The following ETV6 variants were observed in gnomAD, a reference collection of about 807,000 sequenced individuals.
ETV6 encodes the protein ETS variant transcription factor 6.
ETV6 carries 16 observed loss-of-function variants against 51.1 expected under a neutral mutation model. The ratio of observed to expected loss-of-function variants is 0.31; its 90% CI spans 0.21 to 0.48. The LOEUF is 0.48. ETV6 is among the 20% of genes least tolerant of loss of function. ETV6 has a pLI of 0.99. For missense variants in ETV6, 458 were observed against 594.8 expected (o/e 0.77, Z 2.39); for synonymous variants, 240 against 224.1 (o/e 1.07, Z -0.64).
At chr12:11,790,578 AG>A (rs1178770938) in intron 2 of ETV6, among the ~76,000 whole-genome samples, 2 of 151,742 alleles carry the variant, frequency 1.3e-5, no homozygotes, top group African/African-American at 2.4e-5. Context: ...AAGAAGGGGT[AG>A]GGGGCACAGT....
At chr12:11,786,256 T>C (rs1015002716) in intron 2 of ETV6, among the ~76,000 whole-genome samples, 9 of 152,170 alleles carry the variant, frequency 5.9e-5, no homozygotes, top group African/African-American at 1.9e-4. Flanking sequence ...ATTTTTATTA[T>C]ATTTTTCATG....
intron 5 of ETV6, among the ~76,000 whole-genome samples, chr12:11,879,090 G>T (rs1947045130): frequency 6.6e-6 from 1 of 152,022 alleles, no homozygotes; most frequent in African/African-American, 2.4e-5. Flanking sequence ...AAGCTTAGTA[G>T]CAACTTTTTT....
At position 11,883,276 on chromosome 12, in the gene ETV6, C is replaced by CTTCTTTTTTTTT. The variant is rs776231778; in HGVS notation, c.1010-1167_1010-1166insCTTTTTTTTTTT. On this transcript the variant is annotated intron_variant, in intron 5 of 7. Coordinates refer to ENST00000396373, the MANE Select transcript of ETV6 (RefSeq NM_001987.5). Reference sequence around the variant, plus strand: ...GGGAAGGTGTACATCATGTCTTCTTCTTTTTTTTTTTTTTTTTTTTTTTTT... The same window carrying CTTCTTTTTTTTT: ...GGGAAGGTGTACATCATGTCTTCTTCTTCTTTTTTTTTTTTTTTTTTTTTTTTTTTTTTTTTT... Among the ~76,000 whole-genome samples the CTTCTTTTTTTTT allele has an allele frequency of 1.9e-4, 15 of 79,094 alleles. 1 individual carries two copies. The highest frequency in any genetic ancestry group is 1.0e-3 in the African/African-American group (14 of 13,536). 51.9% of individuals were successfully genotyped at this position (79,094 alleles called of 152,430 possible). A position where few individuals can be genotyped will look rare whatever the true frequency, so the allele number is the denominator to read the frequency against.
At chr12:11,846,963 T>G (rs1462091428) in intron 3 of ETV6, among the ~76,000 whole-genome samples, 1 of 152,156 alleles carries the variant, frequency 6.6e-6, no homozygotes, top group Non-Finnish European at 1.5e-5. Flanking sequence ...AGGTCCACCT[T>G]CCGGGTTCAC....
chr12:11,776,916 A>G (rs942796900), intron 2 of ETV6, among the ~76,000 whole-genome samples: 2 of 152,206 alleles, frequency 1.3e-5, no homozygotes, highest in South Asian at 2.1e-4. Flanking sequence ...GCAGGTCATT[A>G]TGTGGGACTA....
At chr12:11,872,927 C>T (rs1439805293) in intron 5 of ETV6, among the ~76,000 whole-genome samples, 1 of 152,128 alleles carries the variant, frequency 6.6e-6, no homozygotes, top group Admixed American at 6.5e-5. Flanking sequence ...GGTGCCCGCT[C>T]TCTCAAGGGC....
At chr12:11,691,107 A>T (rs1221081714) in intron 1 of ETV6, among the ~76,000 whole-genome samples, 1 of 152,002 alleles carries the variant, frequency 6.6e-6, no homozygotes, top group Non-Finnish European at 1.5e-5. Context: ...CTGACTTCTC[A>T]CTGTGTCCTC....
intron 4 of ETV6, among the ~76,000 whole-genome samples, chr12:11,860,562 C>T (rs945613399): frequency 6.7e-5 from 9 of 135,316 alleles, no homozygotes; most frequent in Non-Finnish European, 1.4e-4. Context: ...GAGACTCTGT[C>T]TCAAAAAAAA....
At chr12:11,813,579 C>A (rs983108605) in intron 2 of ETV6, among the ~76,000 whole-genome samples, 94 of 152,140 alleles carry the variant, frequency 6.2e-4, no homozygotes, top group African/African-American at 2.1e-3. Flanking sequence ...GTATGAGCCT[C>A]TGCCTCCCTC....
chr12:11,681,717 T>G (rs1864534027), intron 1 of ETV6, among the ~76,000 whole-genome samples: 1 of 152,146 alleles, frequency 6.6e-6, no homozygotes, highest in African/African-American at 2.4e-5. Context: ...ATGCTATTTC[T>G]CTCCTAGCCC....
intron 1 of ETV6, among the ~76,000 whole-genome samples, chr12:11,685,869 A>C (rs1864619404): frequency 6.6e-6 from 1 of 152,244 alleles, no homozygotes; most frequent in Non-Finnish European, 1.5e-5. Flanking sequence ...ACATATACAG[A>C]GAGTTTGTCA....
In ETV6 at chr12:11,873,759, TAA is replaced by T. The variant is rs1426285096; in HGVS notation, c.1009+3791_1009+3792del. On this transcript the variant is annotated intron_variant, in intron 5 of 7. Coordinates refer to ENST00000396373, the MANE Select transcript of ETV6 (RefSeq NM_001987.5). ...GGGTGGGGACAGCCTCAGAGAGGTA[TAA>T]GACACAGTCTTTATCATGAAAGAGC... Among the ~76,000 whole-genome samples the T allele has an allele frequency of 1.8e-5, 2 of 112,896 alleles. 1 individual carries two copies. The highest frequency in any genetic ancestry group is 3.6e-5 in the Non-Finnish European group (2 of 55,506). The allele number at this position is 112,896 out of a possible 152,430, so 74.1% of individuals were successfully genotyped here. A position where few individuals can be genotyped will look rare whatever the true frequency, so the allele number is the denominator to read the frequency against.
intron 1 of ETV6, among the ~76,000 whole-genome samples, chr12:11,701,633 T>C (rs1002280457): frequency 1.3e-5 from 2 of 152,150 alleles, no homozygotes; most frequent in Non-Finnish European, 2.9e-5. Flanking sequence ...GTAGCAAAAC[T>C]GAGGCTATTA....
intron 5 of ETV6, among the ~76,000 whole-genome samples, chr12:11,882,193 C>T (rs1947107838): frequency 6.6e-6 from 1 of 152,314 alleles, no homozygotes; most frequent in South Asian, 2.1e-4. Flanking sequence ...GGCTGCTGTA[C>T]ATTTAATGGT....
intron 2 of ETV6, among the ~76,000 whole-genome samples, chr12:11,834,269 A>C (rs1229698802): frequency 7.2e-5 from 11 of 152,188 alleles, no homozygotes; most frequent in Non-Finnish European, 1.5e-4. Context: ...TCAGGGGATC[A>C]GGGGCAGGTT....
At chr12:11,697,787 G>T (rs967456218) in intron 1 of ETV6, among the ~76,000 whole-genome samples, 5 of 152,120 alleles carry the variant, frequency 3.3e-5, no homozygotes, top group Admixed American at 6.6e-5. Flanking sequence ...TCCTGGTTTG[G>T]ATGAGTGTAT....
chr12:11,720,712 C>T (rs1865367234), intron 1 of ETV6, among the ~76,000 whole-genome samples: 3 of 152,032 alleles, frequency 2.0e-5, no homozygotes, highest in African/African-American at 7.2e-5. Flanking sequence ...GCAACAAAAA[C>T]AAAAAATTGA....
chr12:11,709,467 A>C (rs535710323), intron 1 of ETV6, among the ~76,000 whole-genome samples: 11 of 151,988 alleles, frequency 7.2e-5, no homozygotes, highest in Non-Finnish European at 1.6e-4. Flanking sequence ...ACCTCCCAAT[A>C]GCTGAGAATA....
At position 11,863,829 on chromosome 12, in the gene ETV6, C is replaced by T. The variant is rs187097482; in HGVS notation, c.464-5595C>T. On this transcript the variant is annotated intron_variant, in intron 4 of 7. Transcript: ENST00000396373. ...AGCAGGCTGAGAATGTCATAGCCTA[C>T]TCCATACATGGGCACTGCTTTGCAG... is the stretch of plus-strand genomic sequence containing the variant. Among the ~76,000 whole-genome samples the T allele has an allele frequency of 4.2e-3, 644 of 152,328 alleles. 7 individuals carry two copies. Among genetic ancestry groups the T allele is most frequent in the African/African-American group, 0.014 (600 of 41,572 alleles).
Sources: gnomAD v4.1 joint callset for allele counts (sites outside exome capture counted in the v4.1 genomes callset) on GRCh38, gnomAD v4.1.1 for gene constraint, MANE v1.5 for transcripts, NCBI Gene and HGNC (gene_info 2026-07-23, HGNC 2026-07-21) for gene names.